The following SAMTOR variants were observed in gnomAD, a reference collection of about 807,000 sequenced individuals.
SAMTOR encodes UPF0532 protein C7orf60.
chr7:112,899,252 A>G, the SAMTOR span, among the ~76,000 whole-genome samples: 1 of 152,192 alleles, frequency 6.6e-6, no homozygotes, highest in Non-Finnish European at 1.5e-5. Flanking sequence ...AATAATTTAA[A>G]GAATCCAACA....
the SAMTOR span, among the ~76,000 whole-genome samples, chr7:112,897,172 G>A: frequency 6.6e-6 from 1 of 152,098 alleles, no homozygotes; most frequent in African/African-American, 2.4e-5. Context: ...TAGGGTGTGG[G>A]GACGAGTGCA....
the SAMTOR span, among the ~76,000 whole-genome samples, chr7:112,907,063 G>A: frequency 6.6e-6 from 1 of 152,126 alleles, no homozygotes; most frequent in Non-Finnish European, 1.5e-5. Flanking sequence ...AGTGTGAGAT[G>A]GGGGTATGGA....
chr7:112,866,818 CT>C, the SAMTOR span, among the ~76,000 whole-genome samples: 1 of 152,218 alleles, frequency 6.6e-6, no homozygotes, highest in African/African-American at 2.4e-5. Context: ...TAAAAATTTC[CT>C]TTGTTTTCCA....
chr7:112,910,590 T>C, the SAMTOR span, among the ~76,000 whole-genome samples: 8 of 152,162 alleles, frequency 5.3e-5, no homozygotes, highest in African/African-American at 9.7e-5. Flanking sequence ...AATGGAAAGA[T>C]TGAGTAGATA....
the SAMTOR span, among the ~76,000 whole-genome samples, chr7:112,918,213 C>T: frequency 4.1e-4 from 63 of 152,262 alleles, no homozygotes; most frequent in Non-Finnish European, 7.5e-4. Context: ...TCGGGTTACC[C>T]ACAAAGGGAA....
the SAMTOR span, among the ~76,000 whole-genome samples, chr7:112,870,162 G>C: frequency 6.6e-6 from 1 of 152,164 alleles, no homozygotes; most frequent in African/African-American, 2.4e-5. Flanking sequence ...CCCCCATCTT[G>C]GTAGAGAGGT....
At chr7:112,873,860 CA>C in the SAMTOR span, among the ~76,000 whole-genome samples, 8 of 151,792 alleles carry the variant, frequency 5.3e-5, no homozygotes, top group East Asian at 1.9e-4. Flanking sequence ...TATCAACAAG[CA>C]AAAAACAAAT....
chr7:112,848,478 CA>C, the SAMTOR span, among the ~76,000 whole-genome samples: 3 of 152,060 alleles, frequency 2.0e-5, no homozygotes, highest in East Asian at 5.8e-4. Flanking sequence ...CAAGTGTAAA[CA>C]GTGCAATGTT....
chr7:112,847,593 A>G, the SAMTOR span, among the ~76,000 whole-genome samples: 1 of 152,142 alleles, frequency 6.6e-6, no homozygotes, highest in Admixed American at 6.5e-5. Flanking sequence ...AGCCTGACCA[A>G]TGTGGAGAAA....
At chr7:112,937,454 C>G in the SAMTOR span, among the ~76,000 whole-genome samples, 2 of 152,060 alleles carry the variant, frequency 1.3e-5, no homozygotes, top group African/African-American at 4.8e-5. Context: ...TGTTTACAGA[C>G]TGGGGACCAT....
chr7:112,902,894 A>T, the SAMTOR span, among the ~76,000 whole-genome samples: 3 of 152,246 alleles, frequency 2.0e-5, no homozygotes, highest in Admixed American at 2.0e-4. Flanking sequence ...GATGTATTAA[A>T]CTGAGAGGGA....
chr7:112,899,498 G>A, the SAMTOR span, among the ~76,000 whole-genome samples: 3 of 152,220 alleles, frequency 2.0e-5, no homozygotes, highest in Admixed American at 6.5e-5. Flanking sequence ...TACAGAGACT[G>A]GGGTAGAACG....
At chr7:112,836,304 A>C in the SAMTOR span, among the ~76,000 whole-genome samples, 1 of 152,040 alleles carries the variant, frequency 6.6e-6, no homozygotes, top group Admixed American at 6.6e-5. Flanking sequence ...GTGTCTGTTC[A>C]TGTCCTTTGC....
At chr7:112,905,303 A>G in the SAMTOR span, among the ~76,000 whole-genome samples, 4 of 152,188 alleles carry the variant, frequency 2.6e-5, no homozygotes, top group African/African-American at 9.7e-5. Context: ...AAATATAAGT[A>G]ATAAATAATT....
At chr7:112,838,392 A>G in the SAMTOR span, among the ~76,000 whole-genome samples, 1 of 151,778 alleles carries the variant, frequency 6.6e-6, no homozygotes, top group Non-Finnish European at 1.5e-5. Context: ...ATCTTCCACC[A>G]TTAAGAAAAC....
chr7:112,897,973 C>T, the SAMTOR span, among the ~76,000 whole-genome samples: 2 of 152,174 alleles, frequency 1.3e-5, no homozygotes, highest in Admixed American at 6.5e-5. Flanking sequence ...GGCAGTACAC[C>T]CCAGAGAGAT....
the SAMTOR span, chr7:112,821,765 G>A: frequency 1.2e-6 from 2 of 1,604,142 alleles, no homozygotes; most frequent in South Asian, 1.1e-5. Flanking sequence ...GTAATATGGG[G>A]TCTTCTAGCT....
chr7:112,866,713 A>G, the SAMTOR span, among the ~76,000 whole-genome samples: 7 of 152,200 alleles, frequency 4.6e-5, no homozygotes, highest in Admixed American at 4.6e-4. Context: ...TTCATGGTAG[A>G]AGGTTTAGAA....
the SAMTOR span, among the ~76,000 whole-genome samples, chr7:112,888,379 A>G: frequency 6.6e-6 from 1 of 152,184 alleles, no homozygotes; most frequent in Non-Finnish European, 1.5e-5. Flanking sequence ...ATTTTGAAAA[A>G]TTATAAATGT....
Sources: gnomAD v4.1 joint callset for allele counts (sites outside exome capture counted in the v4.1 genomes callset) on GRCh38, gnomAD v4.1.1 for gene constraint, MANE v1.5 for transcripts, NCBI Gene and HGNC (gene_info 2026-07-23, HGNC 2026-07-21) for gene names.